The following KCNQ5 variants were observed in gnomAD, a reference collection of about 807,000 sequenced individuals.
KCNQ5 encodes the protein potassium voltage-gated channel subfamily KQT member 5.
Under a neutral mutation model 98.2 loss-of-function variants are expected in KCNQ5, and 30 were observed. That is an observed-to-expected ratio of 0.31 (90% confidence interval 0.23 to 0.41). The LOEUF is 0.41. Ranked by LOEUF, KCNQ5 falls within the 10% of genes least tolerant of loss-of-function variation. The pLI is 1.00. For missense variants in KCNQ5, 835 were observed against 1,182.5 expected (o/e 0.71, Z 4.31); for synonymous variants, 458 against 449.4 (o/e 1.02, Z -0.24).
chr6:72,870,626 A>G (rs1303201855), intron 1 of KCNQ5, among the ~76,000 whole-genome samples: 1 of 152,192 alleles, frequency 6.6e-6, no homozygotes, highest in Non-Finnish European at 1.5e-5. Context: ...TAAATTCGGC[A>G]TCTTTATTAA....
chr6:73,039,108 A>G (rs879719643), intron 2 of KCNQ5, among the ~76,000 whole-genome samples: 1 of 152,058 alleles, frequency 6.6e-6, no homozygotes, highest in Non-Finnish European at 1.5e-5. Context: ...ATTTCTTCTA[A>G]GTTATCAAGT....
intron 1 of KCNQ5, among the ~76,000 whole-genome samples, chr6:72,794,907 A>C (rs1438161619): frequency 6.6e-6 from 1 of 152,186 alleles, no homozygotes. Flanking sequence ...AATAAAACTG[A>C]TTTAAGCAAA....
At chr6:72,978,180 A>G (rs1308914913) in intron 1 of KCNQ5, among the ~76,000 whole-genome samples, 3 of 152,236 alleles carry the variant, frequency 2.0e-5, no homozygotes, top group African/African-American at 7.2e-5. Context: ...TTGAATATAT[A>G]ACAGTCGAAA....
rs1768819053 is a variant in KCNQ5, at chr6:72,987,119, C to T, written c.399-16789C>T. On this transcript the variant is annotated intron_variant, in intron 1 of 13. Transcript: ENST00000370398. The stretch of plus-strand genomic sequence containing the variant: ...AGTTGAGGCTCCGGAATACATCCAT[C>T]CCCAAAGGAGATGGCCCTAAGGCCC... The T allele has an allele frequency of 1.2e-5, 8 of 662,118 alleles. 1 individual carries two copies. The South Asian group carries it at 1.4e-4, about 11-fold the overall frequency. The allele number at this position is 662,118 out of a possible 1,614,324, so 41.0% of individuals were successfully genotyped here.
intron 1 of KCNQ5, among the ~76,000 whole-genome samples, chr6:72,695,760 C>G (rs948985695): frequency 2.0e-5 from 3 of 151,962 alleles, no homozygotes; most frequent in African/African-American, 4.8e-5. Flanking sequence ...TTGTTTCATT[C>G]AAAAATAAGG....
chr6:72,923,911 T>C (rs1367889576), intron 1 of KCNQ5, among the ~76,000 whole-genome samples: 1 of 152,226 alleles, frequency 6.6e-6, no homozygotes, highest in Non-Finnish European at 1.5e-5. Context: ...AAGAGAACCA[T>C]AAACAGTTTT....
intron 1 of KCNQ5, among the ~76,000 whole-genome samples, chr6:72,679,214 C>T (rs1767568111): frequency 6.6e-6 from 1 of 152,020 alleles, no homozygotes; most frequent in South Asian, 2.1e-4. Flanking sequence ...TCAGCCATCC[C>T]ATTACAGGGT....
intron 1 of KCNQ5, among the ~76,000 whole-genome samples, chr6:72,796,627 C>G (rs1251124185): frequency 1.3e-5 from 2 of 152,150 alleles, no homozygotes; most frequent in African/African-American, 2.4e-5. Flanking sequence ...ATTATAAGGC[C>G]CTCTACATAG....
intron 1 of KCNQ5, among the ~76,000 whole-genome samples, chr6:72,759,216 G>C (rs970433208): frequency 6.6e-6 from 1 of 152,146 alleles, no homozygotes. Context: ...TCCTCTCTGG[G>C]AATGTGAAGA....
intron 1 of KCNQ5, among the ~76,000 whole-genome samples, chr6:72,960,910 C>T (rs938915967): frequency 2.0e-5 from 3 of 152,158 alleles, no homozygotes; most frequent in African/African-American, 7.2e-5. Flanking sequence ...CCCAGGAATT[C>T]GAGGCTGCAG....
At chr6:73,010,268 A>T (rs541522602) in intron 2 of KCNQ5, among the ~76,000 whole-genome samples, 1 of 152,234 alleles carries the variant, frequency 6.6e-6, no homozygotes. Context: ...AATTATCTCA[A>T]TTGAAGCCAG....
chr6:73,000,616 C>G (rs1173160975), intron 1 of KCNQ5, among the ~76,000 whole-genome samples: 2 of 152,182 alleles, frequency 1.3e-5, no homozygotes, highest in South Asian at 2.1e-4. Flanking sequence ...CTGACTTGTA[C>G]AGTCATCTCA....
intron 7 of KCNQ5, among the ~76,000 whole-genome samples, chr6:73,114,541 A>G (rs1393198338): frequency 6.6e-6 from 1 of 152,232 alleles, no homozygotes. Flanking sequence ...AAAAGAAATT[A>G]GCTCTCAGTA....
At chr6:72,926,338 T>C (rs2150223701) in intron 1 of KCNQ5, among the ~76,000 whole-genome samples, 1 of 152,180 alleles carries the variant, frequency 6.6e-6, no homozygotes, top group East Asian at 1.9e-4. Context: ...GCTTACATTA[T>C]TTATGGAAAA....
intron 1 of KCNQ5, among the ~76,000 whole-genome samples, chr6:72,818,504 T>C (rs1463347721): frequency 6.6e-6 from 1 of 151,996 alleles, no homozygotes; most frequent in East Asian, 1.9e-4. Flanking sequence ...TAATTATTGG[T>C]TTTATAAAAG....
chr6:73,076,625 C>T (rs1274043810), intron 3 of KCNQ5, among the ~76,000 whole-genome samples: 1 of 152,110 alleles, frequency 6.6e-6, no homozygotes. Context: ...AGTGTTTATA[C>T]TTACATACCC....
intron 1 of KCNQ5, among the ~76,000 whole-genome samples, chr6:72,726,737 T>G (rs1770301321): frequency 6.6e-6 from 1 of 152,176 alleles, no homozygotes; most frequent in Non-Finnish European, 1.5e-5. Context: ...TTTAATTCTG[T>G]TCTGTAGTTA....
At chr6:73,123,479 G>C (rs548656568) in intron 8 of KCNQ5, among the ~76,000 whole-genome samples, 256 of 152,312 alleles carry the variant, frequency 1.7e-3, no homozygotes, top group Non-Finnish European at 3.1e-3. Flanking sequence ...GCAGGGCAGA[G>C]AGAAATGGGA....
chr6:72,762,286 T>C (rs1772327213), intron 1 of KCNQ5, among the ~76,000 whole-genome samples: 1 of 152,040 alleles, frequency 6.6e-6, no homozygotes. Flanking sequence ...GGTTTTAGTT[T>C]TGTGAGACTA....
Sources: allele counts gnomAD v4.1 joint callset (sites outside exome capture counted in the v4.1 genomes callset), GRCh38; gene constraint gnomAD v4.1.1; transcripts MANE v1.5; gene names NCBI Gene and HGNC (gene_info 2026-07-23, HGNC 2026-07-21).